Variants in MARCHF1 observed in about 807,000 individuals in gnomAD.
MARCHF1 encodes the protein membrane associated ring-CH-type finger 1.
A neutral mutation model predicts 54.2 loss-of-function variants in MARCHF1; 40 were observed. The ratio of observed to expected loss-of-function variants is 0.74; its 90% CI spans 0.57 to 0.96. MARCHF1 has a LOEUF of 0.96. MARCHF1 is among the 40% of genes least tolerant of loss of function. The pLI, the probability that MARCHF1 is intolerant of heterozygous loss-of-function variation, is 0.00. For missense variants in MARCHF1, 586 were observed against 656.5 expected (o/e 0.89, Z 1.17); for synonymous variants, 236 against 236.3 (o/e 1.00, Z 0.01).
rs566444169 is a variant in MARCHF1 at position 163,918,302 on chromosome 4, G to A, written c.-38-64133C>T. Among the ~76,000 whole-genome samples, 98 of 152,102 alleles carry A rather than the reference G, an allele frequency of 6.4e-4. 1 individual carries two copies. The highest frequency in any genetic ancestry group is 2.2e-3 in the African/African-American group (93 of 41,512). ...TGCAAAGACTTGCCTGTATATTTTG[G>A]ATGCAAATTCTTTATTAGATGTATG... is the stretch of plus-strand genomic sequence containing the variant. On this transcript the variant is annotated intron_variant, in intron 3 of 9. Transcript: ENST00000514618.
intron 3 of MARCHF1, among the ~76,000 whole-genome samples, chr4:163,915,326 C>T (rs1329326393): frequency 6.6e-6 from 1 of 151,910 alleles, no homozygotes; most frequent in East Asian, 1.9e-4. Context: ...AACCATAATC[C>T]CAACTTAATT....
In MARCHF1 at chr4:163,927,026, C is replaced by T. The variant is rs1751552935; in HGVS notation, c.-39+61475G>A. The stretch of plus-strand genomic sequence containing the variant: ...TTTTAAGCTATCAAAATGCTACATA[C>T]ACTTCCAATCACTTCCAAATTTAGA... On this transcript the variant is annotated intron_variant, in intron 3 of 9. Coordinates refer to ENST00000514618, the MANE Select transcript of MARCHF1 (RefSeq NM_001394959.1). Among the ~76,000 whole-genome samples, 5 of 151,760 alleles carry T rather than the reference C, an allele frequency of 3.3e-5. No homozygotes were observed. The South Asian group carries it at 1.0e-3, about 31-fold the overall frequency.
intron 1 of MARCHF1, among the ~76,000 whole-genome samples, chr4:164,350,589 G>A (rs991106516): frequency 5.3e-5 from 8 of 152,242 alleles, no homozygotes; most frequent in South Asian, 2.1e-4. Flanking sequence ...CTATATACAC[G>A]TATCAAAATA....
chr4:164,326,296 GT>G (rs2110783277), intron 1 of MARCHF1, among the ~76,000 whole-genome samples: 1 of 152,284 alleles, frequency 6.6e-6, no homozygotes, highest in African/African-American at 2.4e-5. Flanking sequence ...AAAATGACTA[GT>G]TTTTATGATC....
intron 2 of MARCHF1, among the ~76,000 whole-genome samples, chr4:164,005,380 C>A (rs1234363123): frequency 6.6e-6 from 1 of 152,096 alleles, no homozygotes; most frequent in Non-Finnish European, 1.5e-5. Context: ...TAGCTTCACT[C>A]CCCTTGCCAA....
chr4:164,310,037 T>G (rs1014816253), intron 1 of MARCHF1, among the ~76,000 whole-genome samples: 1 of 152,028 alleles, frequency 6.6e-6, no homozygotes, highest in African/African-American at 2.4e-5. Context: ...TATATATTTA[T>G]GGGGTACATG....
chr4:163,642,262 A>G (rs913135315), intron 5 of MARCHF1, among the ~76,000 whole-genome samples: 1 of 152,178 alleles, frequency 6.6e-6, no homozygotes, highest in African/African-American at 2.4e-5. Flanking sequence ...TCCCCAGGGG[A>G]AAAGACAGAC....
At chr4:163,924,973 T>A (rs1474310055) in intron 3 of MARCHF1, among the ~76,000 whole-genome samples, 1 of 151,776 alleles carries the variant, frequency 6.6e-6, no homozygotes, top group Non-Finnish European at 1.5e-5. Flanking sequence ...TCAGAGTGGC[T>A]TTTCTCATGA....
At chr4:164,146,514 C>T (rs890984360) in intron 1 of MARCHF1, among the ~76,000 whole-genome samples, 17 of 152,172 alleles carry the variant, frequency 1.1e-4, no homozygotes, top group Admixed American at 6.5e-4. Context: ...TCAGAAATAA[C>T]GCTGCATATC....
chr4:164,199,883 T>G (rs945728098), intron 1 of MARCHF1, among the ~76,000 whole-genome samples: 2 of 152,136 alleles, frequency 1.3e-5, no homozygotes, highest in Non-Finnish European at 2.9e-5. Context: ...GTCTTCAGTC[T>G]TTGCTCCCAT....
intron 3 of MARCHF1, among the ~76,000 whole-genome samples, chr4:163,986,489 TCTC>T (rs1337186968): frequency 3.3e-5 from 5 of 151,776 alleles, no homozygotes; most frequent in Non-Finnish European, 7.4e-5. Context: ...ATGGTCTCGA[TCTC>T]CTGACCTTGT....
At chr4:163,929,946 T>A (rs1189260762) in intron 3 of MARCHF1, among the ~76,000 whole-genome samples, 23 of 52,896 alleles carry the variant, frequency 4.3e-4, no homozygotes, top group African/African-American at 2.1e-3. Context: ...TATATTTATA[T>A]TATATATATT....
rs529814891 is a variant in MARCHF1 at position 164,172,179 on chromosome 4, T to C, written c.-322-60517A>G. On this transcript the variant is annotated intron_variant, in intron 1 of 9. Coordinates refer to ENST00000514618, the MANE Select transcript of MARCHF1 (RefSeq NM_001394959.1). ...CTATGACATCATCTATGTGACTTCA[T>C]TATTTCCCCAGTGCCTAGAACAAAG... 3.9e-5 allele frequency among the ~76,000 whole-genome samples: 6 copies of C among 152,360 alleles called. No homozygotes were observed. In the South Asian group the frequency reaches 1.2e-3, roughly 32 times the overall value.
At chr4:163,869,552 A>G (rs1750125359) in intron 3 of MARCHF1, among the ~76,000 whole-genome samples, 1 of 152,056 alleles carries the variant, frequency 6.6e-6, no homozygotes, top group Non-Finnish European at 1.5e-5. Flanking sequence ...TAAAAACACA[A>G]ATTATATGTT....
intron 1 of MARCHF1, among the ~76,000 whole-genome samples, chr4:164,299,672 A>G (rs1333366876): frequency 2.6e-5 from 4 of 152,140 alleles, no homozygotes; most frequent in African/African-American, 9.7e-5. Flanking sequence ...GACCATCAAT[A>G]TTGTTTCAAC....
chr4:164,361,350 C>T lies in MARCHF1; in HGVS notation c.-323+22520G>A, dbSNP rs1463053165. Among the ~76,000 whole-genome samples the T allele has an allele frequency of 3.3e-5, 5 of 152,082 alleles. No individual in the cohort carries two copies. The East Asian group carries it at 9.6e-4, about 29-fold the overall frequency. On this transcript the variant is annotated intron_variant, in intron 1 of 9. Coordinates refer to ENST00000514618, the MANE Select transcript of MARCHF1 (RefSeq NM_001394959.1). ...AAATTAAATTAGACCCTTCAGCAAC[C>T]ACCATCCTCCTACAACTGCAACCGT... is the stretch of plus-strand genomic sequence containing the variant.
At chr4:163,610,306 T>C (rs766350958) in intron 7 of MARCHF1, among the ~76,000 whole-genome samples, 15 of 152,214 alleles carry the variant, frequency 9.9e-5, no homozygotes, top group African/African-American at 2.9e-4. Flanking sequence ...GAGTATAACA[T>C]GCTGCCTGTA....
chr4:163,808,224 A>C (rs1006286785), intron 4 of MARCHF1, among the ~76,000 whole-genome samples: 1 of 152,174 alleles, frequency 6.6e-6, no homozygotes, highest in African/African-American at 2.4e-5. Flanking sequence ...ATGAAATGTC[A>C]ATTTCACTAA....
intron 1 of MARCHF1, among the ~76,000 whole-genome samples, chr4:164,288,530 G>C (rs1488324753): frequency 6.6e-6 from 1 of 151,924 alleles, no homozygotes; most frequent in East Asian, 1.9e-4. Context: ...AGCAGTATGA[G>C]AATTTCTATT....
Sources: gnomAD v4.1 joint callset for allele counts (sites outside exome capture counted in the v4.1 genomes callset) on GRCh38, gnomAD v4.1.1 for gene constraint, MANE v1.5 for transcripts, NCBI Gene and HGNC (gene_info 2026-07-23, HGNC 2026-07-21) for gene names.